Variants in AVEN observed in about 807,000 individuals in gnomAD.
AVEN encodes the protein cell death regulator Aven.
In AVEN, 41 loss-of-function variants were observed where a neutral mutation model predicts 38.1. That is an observed-to-expected ratio of 1.08 (90% CI 0.84 to 1.40). The LOEUF is 1.40. Ranked by LOEUF, AVEN falls within the 40% of genes most tolerant of loss-of-function variation. AVEN has a pLI of 0.00. For synonymous variants in AVEN, 206 were observed against 171.8 expected, an observed-to-expected ratio of 1.20 and a Z score of -1.56; for missense variants, 605 against 438.8, an observed-to-expected ratio of 1.38 and a Z score of -3.38.
chr15:34,007,150 T>A (rs967989856), intron 1 of AVEN: 24 of 596,066 alleles, frequency 4.0e-5, no homozygotes, highest in Non-Finnish European at 4.8e-5. Flanking sequence ...CGAGCTATTA[T>A]CTTGTCCAAT....
chr15:34,051,839 A>T (rs1162060597), intron 5 of AVEN, among the ~76,000 whole-genome samples: 1 of 152,082 alleles, frequency 6.6e-6, no homozygotes, highest in African/African-American at 2.4e-5. Flanking sequence ...AAATTGAGGC[A>T]CTAATAAATA....
intron 2 of AVEN, among the ~76,000 whole-genome samples, chr15:34,068,534 G>A (rs1900563550): frequency 6.6e-6 from 1 of 152,026 alleles, no homozygotes; most frequent in Admixed American, 6.6e-5. Flanking sequence ...TAAGAAGGAG[G>A]AGATTATTTT....
intron 5 of AVEN, among the ~76,000 whole-genome samples, chr15:34,055,998 G>A (rs528245799): frequency 3.3e-5 from 5 of 152,190 alleles, no homozygotes; most frequent in African/African-American, 1.2e-4. Flanking sequence ...GATTACATGT[G>A]TGAGCCACCA....
At position 33,997,489 on chromosome 15, in the gene AVEN, C is replaced by T. The variant is rs577889671; in HGVS notation, c.445+5543G>A. The stretch of plus-strand genomic sequence containing the variant: ...ACACCAACTCACAGCCAGGCACACC[C>T]GTATTTTTATATAAGACTATATCAT... On this transcript the variant is annotated intron_variant, in intron 2 of 5. Transcript: ENST00000306730. 5.3e-5 allele frequency among the ~76,000 whole-genome samples: 8 copies of T among 152,246 alleles called. No homozygotes were observed. In the East Asian group the frequency reaches 1.4e-3, roughly 26 times the overall value.
intron 2 of AVEN, among the ~76,000 whole-genome samples, chr15:33,938,457 AAAAAAT>A (rs1291693525): frequency 6.6e-6 from 1 of 152,164 alleles, no homozygotes; most frequent in Non-Finnish European, 1.5e-5. Context: ...TCCGTCTTGA[AAAAAAT>A]AAAAATAAAA....
chr15:33,865,056 A>C, downstream of AVEN: 7 of 1,174,142 alleles, frequency 6.0e-6, no homozygotes, highest in Non-Finnish European at 8.8e-6. Context: ...AGGGAGCCAC[A>C]AAGAACAAAA....
At chr15:34,034,133 A>G (rs887233062) in intron 1 of AVEN, among the ~76,000 whole-genome samples, 13 of 152,198 alleles carry the variant, frequency 8.5e-5, no homozygotes, top group African/African-American at 3.1e-4. Context: ...CAAATATCAA[A>G]TCACTCTAGT....
Position 33,867,705 on chromosome 15 carries a change from G to A in AVEN, c.763C>T (p.Leu255=), listed in dbSNP as rs765243912. 1.1e-5 allele frequency: 17 copies of A among 1,614,156 alleles called. No homozygotes were observed. Among genetic ancestry groups the A allele is most frequent in the Non-Finnish European group, 1.4e-5 (17 of 1,180,024 alleles). ...KSVAAGCPVL[L]GKDNPSPGPS... ...CCCGGGCTTGGGTTGTCTTTGCCCA[G>A]CAACACAGGGCAGCCAGCAGCCACA... The change falls in exon 5 of 6, where the codon CTG becomes TTG. Residue 255 remains leucine (L), a synonymous_variant. Transcript: ENST00000306730.
intron 2 of AVEN, among the ~76,000 whole-genome samples, chr15:33,894,838 T>A (rs78228639): frequency 0.24 from 31,799 of 131,222 alleles, 4,273 homozygotes; most frequent in East Asian, 0.34. Flanking sequence ...ACAATAATAA[T>A]AATAATAATA....
At chr15:33,914,114 G>A (rs1390569631) in intron 2 of AVEN, among the ~76,000 whole-genome samples, 1 of 151,394 alleles carries the variant, frequency 6.6e-6, no homozygotes, top group Non-Finnish European at 1.5e-5. Context: ...TTGAGGAATG[G>A]GAGGAGTGGA....
intron 2 of AVEN, among the ~76,000 whole-genome samples, chr15:33,948,769 T>C (rs1005285118): frequency 6.6e-6 from 1 of 152,078 alleles, no homozygotes; most frequent in Non-Finnish European, 1.5e-5. Context: ...ACCTCCTGGG[T>C]TCAAGTGATT....
chr15:33,906,171 G>C (rs187987980), intron 2 of AVEN, among the ~76,000 whole-genome samples: 1 of 152,246 alleles, frequency 6.6e-6, no homozygotes, highest in East Asian at 1.9e-4. Flanking sequence ...GTGTGTGCTT[G>C]AGCTTCTGTG....
chr15:33,876,700 C>A (rs1424038332), intron 2 of AVEN, among the ~76,000 whole-genome samples: 1 of 152,120 alleles, frequency 6.6e-6, no homozygotes, highest in Non-Finnish European at 1.5e-5. Context: ...AGGTTATCAG[C>A]CTCTACTGTC....
intron 2 of AVEN, among the ~76,000 whole-genome samples, chr15:33,876,904 G>A (rs1891254950): frequency 6.6e-6 from 1 of 151,990 alleles, no homozygotes; most frequent in South Asian, 2.1e-4. Flanking sequence ...AAAAGTAAAA[G>A]CTCCCCACAT....
At chr15:33,897,961 G>A (rs775425191) in intron 2 of AVEN, among the ~76,000 whole-genome samples, 28 of 152,130 alleles carry the variant, frequency 1.8e-4, no homozygotes, top group Non-Finnish European at 3.4e-4. Context: ...AGGTCGAAGG[G>A]GGCGGATCAC....
At chr15:34,041,372 G>A (rs1899470284), upstream of AVEN, among the ~76,000 whole-genome samples, 1 of 152,076 alleles carries the variant, frequency 6.6e-6, no homozygotes, top group Non-Finnish European at 1.5e-5. Flanking sequence ...CCTTAAATTT[G>A]CCAACATTGA....
downstream of AVEN, chr15:33,856,609 A>C (rs752387686): frequency 6.6e-6 from 1 of 152,618 alleles, no homozygotes; most frequent in Non-Finnish European, 1.5e-5. Flanking sequence ...ATGAAATAGT[A>C]TAAGGTAGGG....
At chr15:33,974,253 C>G (rs1401559031) in intron 2 of AVEN, among the ~76,000 whole-genome samples, 5 of 152,188 alleles carry the variant, frequency 3.3e-5, no homozygotes, top group African/African-American at 9.7e-5. Flanking sequence ...AGAGATACTA[C>G]AGTCATCTTT....
chr15:33,862,169 A>C (rs1240449324), downstream of AVEN, among the ~76,000 whole-genome samples: 1 of 151,858 alleles, frequency 6.6e-6, no homozygotes, highest in Admixed American at 6.6e-5. Flanking sequence ...TCTGCTCCCC[A>C]GCCTAGCTCT....
Sources: gnomAD v4.1 joint callset for allele counts (sites outside exome capture counted in the v4.1 genomes callset) on GRCh38, gnomAD v4.1.1 for gene constraint, MANE v1.5 for transcripts, NCBI Gene and HGNC (gene_info 2026-07-23, HGNC 2026-07-21) for gene names.